The following LIX1L variants were observed in gnomAD, a reference collection of about 807,000 sequenced individuals.
LIX1L encodes limb and CNS expressed 1 like, also known as LIX1-like protein.
A neutral mutation model predicts 34.0 loss-of-function variants in LIX1L; 20 were observed. The ratio of observed to expected loss-of-function variants is 0.59; its 90% CI spans 0.41 to 0.85. The LOEUF (loss-of-function observed/expected upper bound fraction) is 0.85. LIX1L is among the 40% of genes least tolerant of loss of function. The pLI is 0.00. For missense variants in LIX1L, 397 were observed against 447.0 expected (o/e 0.89, Z 1.01); for synonymous variants, 170 against 187.4 (o/e 0.91, Z 0.76).
chr1:145,937,562 T>G (rs1553757991), intron 4 of LIX1L, 42 bp downstream of exon 4: 4 of 1,210,392 alleles, frequency 3.3e-6, no homozygotes, highest in Non-Finnish European at 3.7e-6. Flanking sequence ...AGTAGCAGGC[T>G]GACCCATGTT....
rs200649078 is a variant in LIX1L, at chr1:145,940,528, C to A, written c.597+2185G>T. Reference sequence around the variant, plus strand: ...TGCCCAGCTAATTTTTGTATTTTTTCTTTTTTTTTTTCCTTTTCTTTCTTT... The same window carrying A: ...TGCCCAGCTAATTTTTGTATTTTTTATTTTTTTTTTTCCTTTTCTTTCTTT... On this transcript the variant is annotated intron_variant, in intron 3 of 5. Transcript: ENST00000604000. Among the ~76,000 whole-genome samples the A allele has an allele frequency of 5.4e-3, 512 of 95,338 alleles. 8 individuals carry two copies. Among genetic ancestry groups the A allele is most frequent in the South Asian group, 0.045 (131 of 2,922 alleles). The allele number at this position is 95,338 out of a possible 152,430, so 62.5% of individuals were successfully genotyped here.
Position 145,936,476 on chromosome 1 carries a change from C to T in LIX1L, c.848G>A (p.Arg283Gln), listed in dbSNP as rs587740810. The stretch of plus-strand genomic sequence containing the variant: ...CAGTGCCCCCGGCACACTCTGCTCC[C>T]GGCTCACCCAGTCCAAGGCCATTTG... ...RHQMALDWVS[R>Q]EQSVPGALSR... Residue 283 changes from arginine (R) to glutamine (Q), a missense_variant, in exon 6 of 6, where the codon CGG becomes CAG. Physicochemically the swap from Arg to Gln is conservative, Grantham distance 43. Transcript: ENST00000604000. 6 of 1,614,168 alleles carry T rather than the reference C, an allele frequency of 3.7e-6. No homozygotes were observed. Among genetic ancestry groups the T allele is most frequent in the Admixed American group, 1.7e-5 (1 of 60,018 alleles).
chr1:145,939,921 G>A (rs1648831347), intron 3 of LIX1L: 1 of 152,126 alleles, frequency 6.6e-6, no homozygotes, highest in African/African-American at 2.4e-5. Flanking sequence ...TTACAGGCGT[G>A]AGCCACCACA....
intron 1 of LIX1L, among the ~76,000 whole-genome samples, chr1:145,951,107 C>T (rs976422152): frequency 5.3e-5 from 8 of 152,088 alleles, no homozygotes; most frequent in Non-Finnish European, 7.4e-5. Context: ...AGTGCAGTGG[C>T]GCAATCTTGG....
intron 1 of LIX1L, among the ~76,000 whole-genome samples, chr1:145,953,318 A>G (rs1309337385): frequency 1.3e-5 from 2 of 152,222 alleles, no homozygotes; most frequent in African/African-American, 4.8e-5. Flanking sequence ...ATAAAAGAAA[A>G]AAGTAATAAA....
intron 1 of LIX1L, among the ~76,000 whole-genome samples, chr1:145,955,667 C>G (rs1553760287): frequency 1.3e-5 from 2 of 152,150 alleles, no homozygotes. Context: ...ATTCTGCTTG[C>G]CTGAAGCTGA....
intron 3 of LIX1L, among the ~76,000 whole-genome samples, chr1:145,939,321 T>G (rs1648790503): frequency 2.0e-5 from 3 of 151,222 alleles, no homozygotes. Context: ...TTTTTTTTTT[T>G]TTGAGATGAA....
chr1:145,946,023 G>A (rs1196257732), intron 2 of LIX1L, among the ~76,000 whole-genome samples: 9 of 147,960 alleles, frequency 6.1e-5, no homozygotes, highest in Non-Finnish European at 1.2e-4. Context: ...AGAATCACTT[G>A]AGCCCAGGAG....
chr1:145,938,982 C>CT (rs782308276), intron 3 of LIX1L, among the ~76,000 whole-genome samples: 2,467 of 136,764 alleles, frequency 0.018, 28 homozygotes, highest in Middle Eastern at 0.077. Flanking sequence ...AAATACTGTA[C>CT]TTTTTTTTTT....
rs1648538079 is a variant in LIX1L at position 145,934,310 on chromosome 1, A to C, written c.*2000T>G. ...CAAATAGTGCCGGGCGCGGTGGCTC[A>C]CGCCTGTAATCCCAGCACTTTGGGA... On this transcript the variant is annotated 3_prime_UTR_variant, in exon 6 of 6. Transcript: ENST00000604000. The C allele has an allele frequency of 6.6e-6, 1 of 152,270 alleles. No individual in the cohort carries two copies. The highest frequency in any genetic ancestry group is 1.5e-5 in the Non-Finnish European group (1 of 68,082). 9.4% of individuals were successfully genotyped at this position (152,270 alleles called of 1,614,324 possible).
intron 1 of LIX1L, among the ~76,000 whole-genome samples, chr1:145,954,827 C>A (rs923841350): frequency 5.3e-4 from 81 of 152,298 alleles, no homozygotes; most frequent in African/African-American, 8.7e-4. Context: ...TATTCGTTGT[C>A]TTATTTAATC....
At chr1:145,936,786 G>C in intron 5 of LIX1L, 122 bp downstream of exon 5, 2 of 832,626 alleles carry the variant, frequency 2.4e-6, no homozygotes, top group Non-Finnish European at 4.1e-6. Context: ...ACTTAGGTAA[G>C]GCTTTCAATA....
At chr1:145,943,301 T>A (rs587678939) in intron 2 of LIX1L, among the ~76,000 whole-genome samples, 1 of 152,350 alleles carries the variant, frequency 6.6e-6, no homozygotes, top group South Asian at 2.1e-4. Context: ...TCTAGGCTGC[T>A]TCTACAGAGG....
At chr1:145,939,577 G>C (rs1479567002) in intron 3 of LIX1L, among the ~76,000 whole-genome samples, 2 of 151,636 alleles carry the variant, frequency 1.3e-5, no homozygotes, top group East Asian at 3.9e-4. Flanking sequence ...AAAGTGCTGG[G>C]ATTACAGGCA....
intron 1 of LIX1L, among the ~76,000 whole-genome samples, chr1:145,954,822 GT>G (rs1649413745): frequency 1.3e-5 from 2 of 152,248 alleles, no homozygotes; most frequent in South Asian, 2.1e-4. Flanking sequence ...CTTTATATTC[GT>G]TGTCTTATTT....
intron 3 of LIX1L, among the ~76,000 whole-genome samples, chr1:145,939,599 G>A (rs1247460630): frequency 1.3e-5 from 2 of 150,100 alleles, no homozygotes; most frequent in African/African-American, 2.5e-5. Flanking sequence ...GAACCTCAGC[G>A]CCCAGCCAGG....
chr1:145,941,409 C>T (rs1299218406), intron 3 of LIX1L, among the ~76,000 whole-genome samples: 1 of 151,770 alleles, frequency 6.6e-6, no homozygotes, highest in African/African-American at 2.4e-5. Context: ...CCCACCACTG[C>T]GCCCAGCTAA....
Position 145,935,990 on chromosome 1 carries a change from T to C in LIX1L, c.*320A>G. 1 of 303,866 alleles carries C rather than the reference T, an allele frequency of 3.3e-6. No individual in the cohort carries two copies. The allele number at this position is 303,866 out of a possible 1,614,324, so 18.8% of individuals were successfully genotyped here. ...CCTGATATTTGAAAAGAAGGACACA[T>C]GAACACTAGAGTTAATCTTTTAGTG... On this transcript the variant is annotated 3_prime_UTR_variant, in exon 6 of 6. Coordinates refer to ENST00000604000, the MANE Select transcript of LIX1L (RefSeq NM_153713.3).
rs1649160554 is a variant in LIX1L, at chr1:145,947,662, C to T, written c.413G>A (p.Cys138Tyr). Reference sequence around the variant, plus strand: ...GCTTCCCCCAGGCAGGGTGACATAGCAGACATAAGGAGGGCTGTTGGAGGG... The same window carrying T: ...GCTTCCCCCAGGCAGGGTGACATAGTAGACATAAGGAGGGCTGTTGGAGGG... Reference protein sequence around the residue: ...MVPSNSPPYVCYVTLPGGSCF... With the variant: ...MVPSNSPPYVYYVTLPGGSCF... The change falls in exon 2 of 6, where the codon TGC (cysteine) becomes TAC (tyrosine). Residue 138 changes from cysteine to tyrosine, a missense_variant. By Grantham distance (194) the Cys-to-Tyr change is radical. Coordinates refer to ENST00000604000, the MANE Select transcript of LIX1L (RefSeq NM_153713.3). 1.2e-6 allele frequency: 2 copies of T among 1,614,036 alleles called. No homozygotes were observed. Among genetic ancestry groups the T allele is most frequent in the South Asian group, 2.2e-5 (2 of 91,082 alleles).
Sources: gnomAD v4.1 joint callset for allele counts (sites outside exome capture counted in the v4.1 genomes callset) on GRCh38, gnomAD v4.1.1 for gene constraint, MANE v1.5 for transcripts, NCBI Gene and HGNC (gene_info 2026-07-23, HGNC 2026-07-21) for gene names.